The following STON1 variants were observed in gnomAD, a reference collection of about 807,000 sequenced individuals.
The protein encoded by STON1 is stonin 1.
STON1 carries 79 observed loss-of-function variants against 60.9 expected under a neutral mutation model. That is an observed-to-expected ratio of 1.30 (90% CI 1.08 to 1.56). The LOEUF is 1.56. Among genes scored for constraint, STON1 ranks in the 40% most tolerant of loss-of-function variants. STON1 has a pLI of 0.00. For missense variants in STON1, 1,166 were observed against 858.9 expected (o/e 1.36, Z -4.47); for synonymous variants, 363 against 306.9 (o/e 1.18, Z -1.91).
At chr2:48,559,580 A>G (rs1223977895) in intron 1 of STON1, among the ~76,000 whole-genome samples, 1 of 152,238 alleles carries the variant, frequency 6.6e-6, no homozygotes, top group Non-Finnish European at 1.5e-5. Context: ...ATAAACATCC[A>G]GAGCATAAAC....
chr2:48,563,532 T>C (rs1672695252), intron 1 of STON1, among the ~76,000 whole-genome samples: 1 of 152,152 alleles, frequency 6.6e-6, no homozygotes, highest in Non-Finnish European at 1.5e-5. Context: ...CCAGTACCCA[T>C]GGTCATAGCA....
intron 2 of STON1, among the ~76,000 whole-genome samples, chr2:48,589,360 T>C (rs1674389394): frequency 1.3e-5 from 2 of 152,224 alleles, no homozygotes; most frequent in African/African-American, 2.4e-5. Context: ...AGCTGGACAG[T>C]TCCCCCTGGT....
intron 1 of STON1, among the ~76,000 whole-genome samples, chr2:48,550,234 A>C (rs943246471): frequency 5.9e-5 from 9 of 152,220 alleles, no homozygotes; most frequent in African/African-American, 2.2e-4. Context: ...GCGGTGGCTC[A>C]TGCTTGTATT....
intron 1 of STON1, among the ~76,000 whole-genome samples, chr2:48,564,266 C>G (rs566302778): frequency 6.6e-6 from 1 of 152,100 alleles, no homozygotes; most frequent in African/African-American, 2.4e-5. Flanking sequence ...ATTTATTTCT[C>G]ACAGTTCCAG....
chr2:48,587,527 G>A (rs1558646119), intron 2 of STON1, among the ~76,000 whole-genome samples: 3 of 152,036 alleles, frequency 2.0e-5, no homozygotes. Context: ...TCCTGACCTC[G>A]TGACCTGCCC....
At position 48,580,754 on chromosome 2, in the gene STON1, A is replaced by G; in HGVS notation, c.121A>G (p.Lys41Glu). The G allele has an allele frequency of 6.4e-7, 1 of 1,556,700 alleles. No individual in the cohort carries two copies. The highest frequency in any genetic ancestry group is 8.7e-7 in the Non-Finnish European group (1 of 1,152,370). ...NQGVCRPNGL[K>E]LNLPGLREFP... ...AGGTGTCTGTAGACCAAATGGACTG[A>G]AGCTGAACCTTCCTGGCCTCAGGGA... The change falls in exon 2 of 4, where the codon AAG becomes GAG. Residue 41 changes from lysine (K) to glutamate (E), a missense_variant. By Grantham distance (56) the Lys-to-Glu change is moderately conservative. Coordinates refer to ENST00000404752, the MANE Select transcript of STON1 (RefSeq NM_006873.4).
chr2:48,585,311 A>T (rs1209645475), intron 2 of STON1, among the ~76,000 whole-genome samples: 1 of 151,608 alleles, frequency 6.6e-6, no homozygotes, highest in East Asian at 1.9e-4. Context: ...GCAGTGGTGC[A>T]ATCTTGGCTC....
At chr2:48,576,167 G>C (rs554125272) in intron 1 of STON1, among the ~76,000 whole-genome samples, 2 of 136,604 alleles carry the variant, frequency 1.5e-5, no homozygotes, top group Non-Finnish European at 3.2e-5. Flanking sequence ...TCCTTGCCAA[G>C]ATTTGTTGTT....
chr2:48,564,487 T>TTCTTCC (rs1672794854), intron 1 of STON1, among the ~76,000 whole-genome samples: 2 of 21,004 alleles, frequency 9.5e-5, no homozygotes, highest in Non-Finnish European at 9.7e-5. Flanking sequence ...TTCTTTCTTC[T>TTCTTCC]TCTTCTTCTT....
chr2:48,588,540 G>C lies in STON1; in HGVS notation c.1931-3113G>C, dbSNP rs377646800. Among the ~76,000 whole-genome samples the C allele has an allele frequency of 2.4e-4, 36 of 152,216 alleles. No homozygotes were observed. In the East Asian group the frequency reaches 3.3e-3, roughly 14 times the overall value. On this transcript the variant is annotated intron_variant, in intron 2 of 3. Transcript: ENST00000404752. ...AATTTTTTGTATTTTTGGTAGAGAT[G>C]AGGTTTTGCCGTGTTGCTCAGGCTG...
chr2:48,581,602 G>A lies in STON1; in HGVS notation c.969G>A (p.Gln323=), dbSNP rs142980198. ...QGLEKPFKEI[Q]LDPYCRLSEP... ...TAGAAAAACCATTTAAAGAGATACA[G>A]CTTGATCCATATTGTAGGCTTTCTG... The change falls in exon 2 of 4, where the codon CAG becomes CAA. Residue 323 remains glutamine, a synonymous_variant. Coordinates refer to ENST00000404752, the MANE Select transcript of STON1 (RefSeq NM_006873.4). 7 of 1,614,068 alleles carry A rather than the reference G, an allele frequency of 4.3e-6. No individual in the cohort carries two copies. In the African/African-American group the frequency reaches 9.3e-5, roughly 22 times the overall value.
chr2:48,555,538 C>T (rs1216407770), intron 1 of STON1, among the ~76,000 whole-genome samples: 1 of 68,720 alleles, frequency 1.5e-5, no homozygotes, highest in African/African-American at 5.8e-5. Context: ...GGCGGCTGGC[C>T]GGGCGTGGGG....
chr2:48,566,469 G>A (rs1461580126), intron 1 of STON1, among the ~76,000 whole-genome samples: 1 of 151,424 alleles, frequency 6.6e-6, no homozygotes, highest in Non-Finnish European at 1.5e-5. Flanking sequence ...TTTTAGTAGA[G>A]ACGGGGTTTC....
chr2:48,554,473 T>A (rs1672227344), intron 1 of STON1, among the ~76,000 whole-genome samples: 1 of 152,188 alleles, frequency 6.6e-6, no homozygotes, highest in South Asian at 2.1e-4. Context: ...TCTGCCTGCC[T>A]CGGCCTCCCA....
At chr2:48,533,146 G>A (rs904541438) in intron 1 of STON1, among the ~76,000 whole-genome samples, 8 of 152,144 alleles carry the variant, frequency 5.3e-5, no homozygotes, top group African/African-American at 1.4e-4. Flanking sequence ...CACTTGGGGA[G>A]GCCAAGGCAG....
chr2:48,537,325 A>G lies in STON1; in HGVS notation c.-48+7109A>G, dbSNP rs188991346. ...TTTTTAACAAGGTAAAAATTATATC[A>G]TGACAGTATATATTTTACTTAATGC... On this transcript the variant is annotated intron_variant, in intron 1 of 3. Transcript: ENST00000404752. Among the ~76,000 whole-genome samples the G allele has an allele frequency of 3.4e-3, 518 of 152,350 alleles. 4 individuals are homozygous for G. Among genetic ancestry groups the G allele is most frequent in the African/African-American group, 0.012 (491 of 41,584 alleles).
intron 1 of STON1, among the ~76,000 whole-genome samples, chr2:48,559,274 G>A (rs1299513698): frequency 2.6e-5 from 4 of 152,100 alleles, no homozygotes; most frequent in African/African-American, 7.2e-5. Context: ...AAATAGCTTA[G>A]ATTGAGTAGC....
chr2:48,552,979 A>G (rs1482688443), intron 1 of STON1, among the ~76,000 whole-genome samples: 1 of 152,082 alleles, frequency 6.6e-6, no homozygotes, highest in Non-Finnish European at 1.5e-5. Context: ...TGGCAAATGG[A>G]CATCCAAGGT....
At chr2:48,554,003 A>G (rs1572939822) in intron 1 of STON1, among the ~76,000 whole-genome samples, 1 of 152,188 alleles carries the variant, frequency 6.6e-6, no homozygotes, top group Non-Finnish European at 1.5e-5. Context: ...GCAGGAATAC[A>G]AAGTCTGTTG....
Sources: gnomAD v4.1 joint callset for allele counts (sites outside exome capture counted in the v4.1 genomes callset) on GRCh38, gnomAD v4.1.1 for gene constraint, MANE v1.5 for transcripts, NCBI Gene and HGNC (gene_info 2026-07-23, HGNC 2026-07-21) for gene names.